RABGEF1: variants seen among roughly 807,000 people sequenced by gnomAD.
RABGEF1 encodes RAB guanine nucleotide exchange factor 1.
RABGEF1 carries 26 observed loss-of-function variants against 57.3 expected under a neutral mutation model. That is an observed-to-expected ratio of 0.45 (90% confidence interval 0.33 to 0.63). The LOEUF is 0.63. Among genes scored for constraint, RABGEF1 ranks in the 20% least tolerant of loss-of-function variants. RABGEF1 has a pLI of 0.02. For synonymous variants in RABGEF1, 185 were observed against 210.7 expected, an observed-to-expected ratio of 0.88 and a Z score of 1.06; for missense variants, 464 against 607.6, an observed-to-expected ratio of 0.76 and a Z score of 2.48.
chr7:66,805,150 A>T lies in RABGEF1; in HGVS notation c.831A>T (p.Glu277Asp). ...MVVKAITDII[E>D]MDSKRVPRDK... ...TTTTCTGCTTTGTAGATATCATTGAAATGGATTCCAAGCGTGTGCCTCGAG... is the reference window on the plus strand; with the variant it reads ...TTTTCTGCTTTGTAGATATCATTGATATGGATTCCAAGCGTGTGCCTCGAG... The change falls in exon 8 of 9, where the codon GAA becomes GAT. Residue 277 changes from glutamate (E) to aspartate (D), a missense_variant. By Grantham distance (45) the Glu-to-Asp change is conservative. This residue lies in a region of RABGEF1 where 284 missense variants were observed against 389.9 expected (regional missense o/e 0.73). Transcript: ENST00000284957. 1 of 1,603,780 alleles carries T rather than the reference A, an allele frequency of 6.2e-7. No homozygotes were observed. Among genetic ancestry groups the T allele is most frequent in the Non-Finnish European group, 8.5e-7 (1 of 1,170,702 alleles).
intron 1 of RABGEF1, among the ~76,000 whole-genome samples, chr7:66,764,178 A>G (rs754967346): frequency 3.3e-5 from 5 of 152,172 alleles, no homozygotes; most frequent in Non-Finnish European, 5.9e-5. Context: ...CTGGATGTGA[A>G]GTGGCATCTC....
chr7:66,704,375 A>G (rs750701310), intron 1 of RABGEF1, among the ~76,000 whole-genome samples: 15 of 152,162 alleles, frequency 9.9e-5, no homozygotes, highest in Non-Finnish European at 1.9e-4. Context: ...TAATGGACTG[A>G]TGGATTTCTG....
the RABGEF1 span, among the ~76,000 whole-genome samples, chr7:66,659,377 G>A: frequency 1.3e-5 from 2 of 151,952 alleles, no homozygotes; most frequent in East Asian, 3.9e-4. Flanking sequence ...GCTTGAACAC[G>A]GGAGGCGGAG....
At chr7:66,778,936 C>G (rs985558776) in intron 3 of RABGEF1, among the ~76,000 whole-genome samples, 64 of 151,322 alleles carry the variant, frequency 4.2e-4, no homozygotes, top group African/African-American at 1.5e-3. Flanking sequence ...ACCAACGTGG[C>G]ACAACCCCGT....
chr7:66,673,226 C>T, the RABGEF1 span, among the ~76,000 whole-genome samples: 1 of 144,834 alleles, frequency 6.9e-6, no homozygotes, highest in Non-Finnish European at 1.5e-5. Context: ...TGTTGAATGA[C>T]TCAGATAAAA....
At chr7:66,725,041 A>C (rs1486271817) in intron 2 of RABGEF1, among the ~76,000 whole-genome samples, 5 of 152,122 alleles carry the variant, frequency 3.3e-5, no homozygotes, top group Admixed American at 2.0e-4. Context: ...TTTTCCCTTT[A>C]AAATCTTGAA....
Position 66,804,304 on chromosome 7 carries a change from T to TA in RABGEF1, c.821-831dup, listed in dbSNP as rs1787953520. Reference sequence around the variant, plus strand: ...ATGCTTTGTGTAGTAGCCACATTTCTAAAAAGCAGTATGCAAATTGGGACT... The same window carrying TA: ...ATGCTTTGTGTAGTAGCCACATTTCTAAAAAAGCAGTATGCAAATTGGGACT... On this transcript the variant is annotated intron_variant, in intron 7 of 8. Coordinates refer to ENST00000284957, the MANE Select transcript of RABGEF1 (RefSeq NM_014504.3). 3.3e-5 allele frequency among the ~76,000 whole-genome samples: 5 copies of TA among 152,184 alleles called. No individual in the cohort carries two copies. The South Asian group carries it at 6.2e-4, about 19-fold the overall frequency.
chr7:66,747,211 G>C (rs1282086042), intron 1 of RABGEF1, among the ~76,000 whole-genome samples: 1 of 152,218 alleles, frequency 6.6e-6, no homozygotes, highest in African/African-American at 2.4e-5. Flanking sequence ...TCAGAAGTTA[G>C]AATAAGTATG....
the RABGEF1 span, among the ~76,000 whole-genome samples, chr7:66,657,130 T>C: frequency 6.6e-6 from 1 of 152,214 alleles, no homozygotes; most frequent in Non-Finnish European, 1.5e-5. Context: ...TTGAACAACA[T>C]GATAATCCAA....
intron 1 of RABGEF1, among the ~76,000 whole-genome samples, chr7:66,748,471 C>T (rs955135500): frequency 2.0e-5 from 3 of 152,110 alleles, no homozygotes; most frequent in South Asian, 2.1e-4. Context: ...TGGTGAATCA[C>T]GGAACCATAT....
chr7:66,743,904 T>TG (rs1799580319), intron 1 of RABGEF1, among the ~76,000 whole-genome samples: 1 of 152,172 alleles, frequency 6.6e-6, no homozygotes, highest in Non-Finnish European at 1.5e-5. Context: ...GTGTTGGGAT[T>TG]ACAAACATGA....
chr7:66,723,823 GC>G (rs79279976), intron 2 of RABGEF1, among the ~76,000 whole-genome samples: 35,765 of 137,878 alleles, frequency 0.26, 4,400 homozygotes, highest in East Asian at 0.37. Context: ...CAGGTGATCT[GC>G]CCACCTTAGC....
At chr7:66,668,068 G>C in the RABGEF1 span, among the ~76,000 whole-genome samples, 2 of 152,028 alleles carry the variant, frequency 1.3e-5, no homozygotes, top group East Asian at 3.9e-4. Flanking sequence ...AAATTGCTAG[G>C]ATTACAGGTG....
intron 1 of RABGEF1, among the ~76,000 whole-genome samples, chr7:66,689,510 A>T (rs1217096900): frequency 6.6e-6 from 1 of 152,164 alleles, no homozygotes; most frequent in Non-Finnish European, 1.5e-5. Flanking sequence ...AATAAAAAAT[A>T]TGGGTAAACT....
At chr7:66,803,071 AAAAG>A (rs1787651768) in intron 7 of RABGEF1, among the ~76,000 whole-genome samples, 1 of 152,270 alleles carries the variant, frequency 6.6e-6, no homozygotes, top group African/African-American at 2.4e-5. Context: ...TATAAGTAGA[AAAAG>A]AAAAATAAAT....
At chr7:66,665,680 G>A in the RABGEF1 span, among the ~76,000 whole-genome samples, 5 of 152,108 alleles carry the variant, frequency 3.3e-5, no homozygotes, top group Admixed American at 2.0e-4. Flanking sequence ...GGCAAATGTC[G>A]GTCCCTTTCC....
intron 3 of RABGEF1, among the ~76,000 whole-genome samples, 165 bp downstream of exon 3, chr7:66,775,558 A>T (rs1054660861): frequency 6.6e-6 from 1 of 152,194 alleles, no homozygotes; most frequent in Admixed American, 6.5e-5. Context: ...TATGAAATCA[A>T]TACTCTCTTT....
the RABGEF1 span, among the ~76,000 whole-genome samples, chr7:66,655,254 AC>A: frequency 2.6e-5 from 4 of 152,170 alleles, no homozygotes; most frequent in Non-Finnish European, 5.9e-5. Context: ...CTACTTCCGA[AC>A]CGTCTGGGAG....
intron 1 of RABGEF1, among the ~76,000 whole-genome samples, chr7:66,707,750 C>G (rs556611190): frequency 6.6e-6 from 1 of 152,302 alleles, no homozygotes; most frequent in African/African-American, 2.4e-5. Flanking sequence ...ATCTTCCCTC[C>G]AATTACTGCA....
Sources: gnomAD v4.1 joint callset for allele counts (sites outside exome capture counted in the v4.1 genomes callset) on GRCh38, gnomAD v4.1.1 for gene constraint, gnomAD v4.1.1 regional missense constraint, MANE v1.5 for transcripts, NCBI Gene and HGNC (gene_info 2026-07-23, HGNC 2026-07-21) for gene names.